Variants in SYT6 observed in about 807,000 individuals in gnomAD.
SYT6 encodes synaptotagmin-6.
A neutral mutation model predicts 38.4 loss-of-function variants in SYT6; 24 were observed. The observed-to-expected ratio is 0.62, with a 90% CI of 0.45 to 0.88. The LOEUF is 0.88. Ranked by LOEUF, SYT6 falls within the 40% of genes least tolerant of loss-of-function variation. The pLI, the probability that SYT6 is intolerant of heterozygous loss-of-function variation, is 0.00. For missense variants in SYT6, 611 were observed against 621.0 expected (o/e 0.98, Z 0.17); for synonymous variants, 265 against 241.9 (o/e 1.10, Z -0.89).
At chr1:114,097,633 A>G in intron 6 of SYT6, 94 bp downstream of exon 6, 1 of 1,507,854 alleles carries the variant, frequency 6.6e-7, no homozygotes, top group South Asian at 1.3e-5. Flanking sequence ...CCACCTTTCC[A>G]CAAAAGGCCG....
At chr1:114,149,414 T>C (rs1487324611) in intron 1 of SYT6, among the ~76,000 whole-genome samples, 1 of 151,964 alleles carries the variant, frequency 6.6e-6, no homozygotes, top group Non-Finnish European at 1.5e-5. Flanking sequence ...AGATCCAGAC[T>C]GAGCTACCAA....
intron 3 of SYT6, among the ~76,000 whole-genome samples, chr1:114,105,561 TC>T (rs929228716): frequency 2.6e-5 from 4 of 151,786 alleles, no homozygotes; most frequent in African/African-American, 9.7e-5. Flanking sequence ...CAGCCACCCC[TC>T]CTGCACACAG....
intron 3 of SYT6, among the ~76,000 whole-genome samples, chr1:114,118,473 GT>G (rs1677138220): frequency 1.3e-5 from 2 of 152,228 alleles, no homozygotes; most frequent in African/African-American, 4.8e-5. Flanking sequence ...CACAGCAGAA[GT>G]TTGCAGATCC....
intron 1 of SYT6, among the ~76,000 whole-genome samples, chr1:114,140,567 T>A (rs1678810574): frequency 2.0e-5 from 3 of 152,152 alleles, no homozygotes; most frequent in Admixed American, 2.0e-4. Flanking sequence ...GCATAATCTC[T>A]TTAAGGGCAA....
At chr1:114,101,517 T>C (rs1396080188) in intron 4 of SYT6, among the ~76,000 whole-genome samples, 2 of 152,218 alleles carry the variant, frequency 1.3e-5, no homozygotes, top group Non-Finnish European at 2.9e-5. Context: ...TTTTGTGCTA[T>C]TTTTAGTGTC....
chr1:114,123,117 T>G (rs1677520368), intron 3 of SYT6, among the ~76,000 whole-genome samples: 1 of 152,120 alleles, frequency 6.6e-6, no homozygotes, highest in African/African-American at 2.4e-5. Flanking sequence ...TGGGCAGGGC[T>G]CCCGGCAGTG....
intron 3 of SYT6, among the ~76,000 whole-genome samples, chr1:114,119,332 A>G (rs1394239572): frequency 2.0e-5 from 3 of 152,174 alleles, no homozygotes; most frequent in African/African-American, 7.2e-5. Context: ...ACTGGATGCA[A>G]GGCCAGGGTT....
chr1:114,129,584 CT>C (rs1459121335), intron 3 of SYT6, among the ~76,000 whole-genome samples: 3 of 96,632 alleles, frequency 3.1e-5, no homozygotes, highest in East Asian at 3.0e-4. Context: ...TTCTTTCTTT[CT>C]TTCTTTCTTT....
intron 6 of SYT6, 139 bp from the exon 7 acceptor site, chr1:114,093,942 A>G (rs1030917596): frequency 4.2e-5 from 34 of 803,006 alleles, no homozygotes; most frequent in African/African-American, 1.2e-4. Context: ...TAGGAGTTCT[A>G]CTTTTCTGTT....
intron 1 of SYT6, among the ~76,000 whole-genome samples, chr1:114,140,747 T>C (rs541913296): frequency 1.6e-4 from 24 of 152,346 alleles, no homozygotes; most frequent in African/African-American, 5.8e-4. Flanking sequence ...TTTTTACAAA[T>C]TGAAGATTTG....
At chr1:114,105,710 C>T (rs72988610) in intron 3 of SYT6, among the ~76,000 whole-genome samples, 3,571 of 152,230 alleles carry the variant, frequency 0.023, 134 homozygotes, top group African/African-American at 0.076. Flanking sequence ...ATTTCACGGA[C>T]GAATAACTTG....
intron 3 of SYT6, among the ~76,000 whole-genome samples, chr1:114,137,089 C>G (rs1046630027): frequency 6.6e-6 from 1 of 152,192 alleles, no homozygotes; most frequent in Non-Finnish European, 1.5e-5. Context: ...GAAACATGAA[C>G]AAGGCATAAA....
chr1:114,114,167 A>G (rs116113537), intron 3 of SYT6, among the ~76,000 whole-genome samples: 7,788 of 152,264 alleles, frequency 0.051, 397 homozygotes, highest in African/African-American at 0.12. Flanking sequence ...CAGGGCCAGG[A>G]CAAGGGTGAG....
chr1:114,129,564 T>TTTTC (rs58281086), intron 3 of SYT6, among the ~76,000 whole-genome samples: 10,146 of 112,238 alleles, frequency 0.09, 603 homozygotes, highest in East Asian at 0.12. Flanking sequence ...TTTTTCTTTC[T>TTTTC]TTTCTTTCTT....
At chr1:114,136,071 G>T (rs934803731) in intron 3 of SYT6, among the ~76,000 whole-genome samples, 2 of 152,168 alleles carry the variant, frequency 1.3e-5, no homozygotes, top group African/African-American at 4.8e-5. Context: ...TTTCAGGAAA[G>T]CAAAGGTGGG....
intron 1 of SYT6, among the ~76,000 whole-genome samples, chr1:114,146,610 G>A (rs1237461846): frequency 6.6e-6 from 1 of 152,170 alleles, no homozygotes; most frequent in Non-Finnish European, 1.5e-5. Flanking sequence ...TTCACTTCAG[G>A]AAAAGCTAGA....
At chr1:114,122,481 TTGTGTGTGTGTG>T (rs142500087) in intron 3 of SYT6, among the ~76,000 whole-genome samples, 1 of 148,164 alleles carries the variant, frequency 6.7e-6, no homozygotes, top group African/African-American at 2.5e-5. Context: ...GCATGTACAT[TTGTGTGTGTGTG>T]TGTGTGTGTG....
intron 3 of SYT6, among the ~76,000 whole-genome samples, chr1:114,109,563 A>G (rs888195128): frequency 6.6e-6 from 1 of 152,222 alleles, no homozygotes; most frequent in Non-Finnish European, 1.5e-5. Context: ...GTTGCCGCAG[A>G]GATTAAATGA....
chr1:114,102,226 A>G (rs1001423640), intron 4 of SYT6, among the ~76,000 whole-genome samples: 7 of 152,226 alleles, frequency 4.6e-5, no homozygotes, highest in Admixed American at 1.3e-4. Context: ...TTTTGGTATT[A>G]AAATGAAATC....
Sources: allele counts gnomAD v4.1 joint callset (sites outside exome capture counted in the v4.1 genomes callset), GRCh38; gene constraint gnomAD v4.1.1; transcripts MANE v1.5; gene names NCBI Gene and HGNC (gene_info 2026-07-23, HGNC 2026-07-21).